Variants in SYNRG observed in about 807,000 individuals in gnomAD.
SYNRG encodes AP1 gamma subunit binding protein 1.
A neutral mutation model predicts 130.9 loss-of-function variants in SYNRG; 37 were observed. That is an observed-to-expected ratio of 0.28 (90% CI 0.22 to 0.37). SYNRG has a LOEUF of 0.37. Among genes scored for constraint, SYNRG ranks in the 10% least tolerant of loss-of-function variants. The probability of loss-of-function intolerance (pLI) is 1.00; values close to 1 mark genes in which losing one functional copy is unlikely to be tolerated. For synonymous variants in SYNRG, 539 were observed against 568.1 expected, an observed-to-expected ratio of 0.95 and a Z score of 0.73; for missense variants, 1,338 against 1,588.9, an observed-to-expected ratio of 0.84 and a Z score of 2.68.
intron 13 of SYNRG, among the ~76,000 whole-genome samples, chr17:37,557,456 A>G (rs191578556): frequency 2.7e-4 from 41 of 152,376 alleles, no homozygotes; most frequent in Admixed American, 1.6e-3. Context: ...ACCATTTAGG[A>G]AAATAAAATC....
chr17:37,567,770 G>A (rs1232195516), intron 11 of SYNRG: 1 of 152,204 alleles, frequency 6.6e-6, no homozygotes, highest in South Asian at 2.1e-4. Context: ...AGAGATGAGC[G>A]AAACTGCATA....
In SYNRG at chr17:37,577,456, T is replaced by C; in HGVS notation, c.747A>G (p.Val249=). Residue 249 remains valine (V), a synonymous_variant, in exon 7 of 22, where the codon GTA becomes GTG. Transcript: ENST00000612223. The stretch of plus-strand genomic sequence containing the variant: ...TGGTGGTACCACTTACACATCCATC[T>C]ACAGCAACCCCGTTACTGGCCATTA... ...PSLMASNGVA[V]DGCVSGTTTA... The C allele has an allele frequency of 6.2e-7, 1 of 1,614,222 alleles. No homozygotes were observed. Among genetic ancestry groups the C allele is most frequent in the Non-Finnish European group, 8.5e-7 (1 of 1,180,046 alleles).
rs1032147545 is a variant in SYNRG at position 37,539,015 on chromosome 17, G to T, written c.3420+177C>A. ...CTGACACATGAGCCGGTCTGCTATT[G>T]TAAGTGTGAAAGAAGCCTCACCTTA... On this transcript the variant is annotated intron_variant, in intron 17 of 21. Coordinates refer to ENST00000612223, the MANE Select transcript of SYNRG (RefSeq NM_007247.6). 9 of 983,026 alleles carry T rather than the reference G, an allele frequency of 9.2e-6. 1 individual carries two copies. The highest frequency in any genetic ancestry group is 7.0e-5 in the African/African-American group (4 of 57,186). The allele number at this position is 983,026 out of a possible 1,614,324, so 60.9% of individuals were successfully genotyped here.
chr17:37,550,356 T>C (rs1041241007), intron 14 of SYNRG, among the ~76,000 whole-genome samples: 1 of 152,194 alleles, frequency 6.6e-6, no homozygotes, highest in Non-Finnish European at 1.5e-5. Flanking sequence ...GTACCAATAC[T>C]TTCTCAGGAG....
Position 37,537,665 on chromosome 17 carries a change from A to G in SYNRG, c.3517+659T>C, listed in dbSNP as rs138043923. On this transcript the variant is annotated intron_variant, in intron 18 of 21. Transcript: ENST00000612223. ...AGAAAAGAAAAGAATAATAAGTAAC[A>G]TATGTAAGAAATTAAAGGTAATAGG... is the stretch of plus-strand genomic sequence containing the variant. 3.3e-3 allele frequency among the ~76,000 whole-genome samples: 500 copies of G among 152,250 alleles called. 4 individuals carry two copies. The highest frequency in any genetic ancestry group is 0.011 in the African/African-American group (472 of 41,558).
chr17:37,600,526 T>C (rs761930712), intron 1 of SYNRG, 123 bp from the exon 2 acceptor site: 1 of 928,748 alleles, frequency 1.1e-6, no homozygotes, highest in Admixed American at 2.0e-5. Context: ...TGCACCACAA[T>C]ACTGAATTGC....
At chr17:37,602,348 A>G (rs2063363785) in intron 1 of SYNRG, among the ~76,000 whole-genome samples, 1 of 152,270 alleles carries the variant, frequency 6.6e-6, no homozygotes, top group African/African-American at 2.4e-5. Flanking sequence ...AAAAAAAAAA[A>G]AAAATTAAGC....
rs1271224645 is a variant in SYNRG at position 37,517,535 on chromosome 17, T to G, written c.*1405A>C. The G allele has an allele frequency of 1.3e-5, 2 of 151,952 alleles. No homozygotes were observed. The highest frequency in any genetic ancestry group is 2.9e-5 in the Non-Finnish European group (2 of 68,010). The allele number at this position is 151,952 out of a possible 1,614,324, so 9.4% of individuals were successfully genotyped here. On this transcript the variant is annotated 3_prime_UTR_variant, in exon 22 of 22. Transcript: ENST00000612223. ...GTCAAGCAGAAGCCTCAGCAACAGC[T>G]GTTTAATGAAAATGTTCCACACCTT...
At chr17:37,559,554 G>A (rs2145600927) in intron 13 of SYNRG, among the ~76,000 whole-genome samples, 1 of 152,276 alleles carries the variant, frequency 6.6e-6, no homozygotes, top group South Asian at 2.1e-4. Flanking sequence ...GTCAGGCATG[G>A]TGGCAGGTAC....
intron 19 of SYNRG, among the ~76,000 whole-genome samples, chr17:37,527,308 A>G (rs2056055557): frequency 6.6e-6 from 1 of 152,176 alleles, no homozygotes; most frequent in African/African-American, 2.4e-5. Flanking sequence ...AACCCACTTC[A>G]CAAGATAAAA....
In SYNRG at chr17:37,542,062, C is replaced by G. The variant is rs1422842549; in HGVS notation, c.3112G>C (p.Asp1038His). The change falls in exon 15 of 22, where the codon GAC (aspartate) becomes CAC (histidine). Residue 1038 changes from aspartate (D) to histidine (H), a missense_variant. Around this residue, in one of 3 missense-constraint regions of SYNRG, gnomAD observed 1,146 missense variants for 1,342.3 expected, o/e 0.85. Coordinates refer to ENST00000612223, the MANE Select transcript of SYNRG (RefSeq NM_007247.6). ...QSEKPKISKFDFLVATSQSKM... is the reference protein window; with the variant it reads ...QSEKPKISKFHFLVATSQSKM... Reference sequence around the variant, plus strand: ...CTTTGTGAAGTGGCTACTAAGAAGTCAAATTTGCTGATTTTGGGCTTTTCA... The same window carrying G: ...CTTTGTGAAGTGGCTACTAAGAAGTGAAATTTGCTGATTTTGGGCTTTTCA... 6.2e-7 allele frequency: 1 copy of G among 1,614,204 alleles called. No individual in the cohort carries two copies. The highest frequency in any genetic ancestry group is 1.7e-5 in the Admixed American group (1 of 60,028).
At chr17:37,522,447 C>T (rs1198238488) in intron 19 of SYNRG, among the ~76,000 whole-genome samples, 11 of 151,476 alleles carry the variant, frequency 7.3e-5, no homozygotes, top group African/African-American at 1.9e-4. Context: ...CCACTGTGCC[C>T]GGCCCCGCAG....
chr17:37,608,024 CAT>C (rs912795320), intron 1 of SYNRG, among the ~76,000 whole-genome samples: 1 of 144,784 alleles, frequency 6.9e-6, no homozygotes. Context: ...GGAATTATTA[CAT>C]ATGTTTCTTC....
chr17:37,558,342 C>G (rs944731972), intron 13 of SYNRG, among the ~76,000 whole-genome samples: 6 of 152,132 alleles, frequency 3.9e-5, no homozygotes, highest in African/African-American at 1.4e-4. Flanking sequence ...AAGGATGTCC[C>G]AAGTTTGAGC....
intron 13 of SYNRG, among the ~76,000 whole-genome samples, chr17:37,556,340 A>G (rs2059118839): frequency 6.6e-6 from 1 of 152,102 alleles, no homozygotes; most frequent in Non-Finnish European, 1.5e-5. Flanking sequence ...AATCCTAGCT[A>G]CTTGGGAGGC....
rs754384029 is a variant in SYNRG at position 37,577,418 on chromosome 17, T to A, written c.785A>T (p.Glu262Val). 4.3e-6 allele frequency: 7 copies of A among 1,614,224 alleles called. No individual in the cohort carries two copies. Among genetic ancestry groups the A allele is most frequent in the Non-Finnish European group, 5.9e-6 (7 of 1,180,046 alleles). Residue 262 changes from glutamate (E) to valine (V), a missense_variant, in exon 7 of 22, where the codon GAA (glutamate) becomes GTA (valine). Physicochemically the swap from Glu to Val is moderately radical, Grantham distance 121. Transcript: ENST00000612223. ...TGACAGGTTTTGATCTGAAGTATTT[T>A]CTGCCTCTGCAGTGGTGGTACCACT... ...CVSGTTTAEA[E>V]NTSDQNLSIE... is the part of the protein sequence containing the mutation.
intron 19 of SYNRG, among the ~76,000 whole-genome samples, chr17:37,532,861 C>T (rs2056780935): frequency 6.6e-6 from 1 of 152,080 alleles, no homozygotes; most frequent in Non-Finnish European, 1.5e-5. Context: ...AGACATGAGC[C>T]TGCCATCTGT....
intron 19 of SYNRG, 103 bp from the exon 20 acceptor site, chr17:37,520,751 G>C (rs2054913704): frequency 1.2e-6 from 1 of 847,784 alleles, no homozygotes; most frequent in Non-Finnish European, 2.0e-6. Context: ...GGCAAGTACA[G>C]TACTCTAACA....
chr17:37,555,541 G>A (rs537297478), intron 13 of SYNRG, among the ~76,000 whole-genome samples: 2 of 152,294 alleles, frequency 1.3e-5, no homozygotes, highest in South Asian at 2.1e-4. Context: ...AGCATCTGAA[G>A]GTCTACCATA....
Sources: allele counts gnomAD v4.1 joint callset (sites outside exome capture counted in the v4.1 genomes callset), GRCh38; gene constraint gnomAD v4.1.1; regional missense constraint gnomAD v4.1.1; transcripts MANE v1.5; gene names NCBI Gene and HGNC (gene_info 2026-07-23, HGNC 2026-07-21).